Variants in ANXA8 observed in about 807,000 individuals in gnomAD.
ANXA8 encodes the protein annexin A8.
Under a neutral mutation model 26.8 loss-of-function variants are expected in ANXA8, and 9 were observed. The observed-to-expected ratio is 0.34, with a 90% CI of 0.20 to 0.59. The LOEUF (loss-of-function observed/expected upper bound fraction) is 0.59. Ranked by LOEUF, ANXA8 falls within the 20% of genes least tolerant of loss-of-function variation. The pLI is 0.84. For missense variants in ANXA8, 83 were observed against 238.5 expected, an observed-to-expected ratio of 0.35 and a Z score of 4.29; for synonymous variants, 39 against 94.8, an observed-to-expected ratio of 0.41 and a Z score of 3.42.
chr10:47,627,604 C>G, the ANXA8 span, among the ~76,000 whole-genome samples: 1 of 150,028 alleles, frequency 6.7e-6, no homozygotes, highest in Non-Finnish European at 1.5e-5. Flanking sequence ...TTGTAACAGT[C>G]TTGTAACTGA....
At chr10:47,564,607 C>T in the ANXA8 span, 1 of 369,224 alleles carries the variant, frequency 2.7e-6, no homozygotes, top group Non-Finnish European at 4.7e-6. Flanking sequence ...CCGGCTGCTT[C>T]CACAGCATGG....
the ANXA8 span, among the ~76,000 whole-genome samples, chr10:47,658,839 A>ATTT: frequency 1.5e-5 from 2 of 134,106 alleles, no homozygotes; most frequent in Non-Finnish European, 3.1e-5. Flanking sequence ...TGAGGTTTTT[A>ATTT]TTTATTTATT....
chr10:47,709,415 G>T, the ANXA8 span, among the ~76,000 whole-genome samples: 2 of 150,818 alleles, frequency 1.3e-5, no homozygotes, highest in East Asian at 3.9e-4. Flanking sequence ...TACCTTCAGA[G>T]AAATTAAAAT....
chr10:47,644,222 A>G, the ANXA8 span, among the ~76,000 whole-genome samples: 1 of 148,192 alleles, frequency 6.7e-6, no homozygotes, highest in East Asian at 1.9e-4. Flanking sequence ...CTACCTGGAG[A>G]AAAACATAGC....
chr10:47,516,640 T>C, the ANXA8 span, among the ~76,000 whole-genome samples: 30 of 136,090 alleles, frequency 2.2e-4, no homozygotes, highest in African/African-American at 4.9e-4. Flanking sequence ...AAGCAGACAT[T>C]GAGCATATCT....
chr10:47,966,891 C>T, the ANXA8 span, among the ~76,000 whole-genome samples: 5 of 140,762 alleles, frequency 3.6e-5, no homozygotes, highest in Non-Finnish European at 7.9e-5. Flanking sequence ...AGATTCAGCA[C>T]AGCAGATGAG....
At chr10:47,597,604 A>G in the ANXA8 span, among the ~76,000 whole-genome samples, 1 of 145,292 alleles carries the variant, frequency 6.9e-6, no homozygotes, top group Non-Finnish European at 1.5e-5. Flanking sequence ...GTATTTCTAT[A>G]CAATGCAATA....
the ANXA8 span, among the ~76,000 whole-genome samples, chr10:47,749,447 T>A: frequency 2.0e-5 from 3 of 149,968 alleles, no homozygotes; most frequent in South Asian, 6.4e-4. Context: ...AATAATAATG[T>A]CTCGTTAGGT....
the ANXA8 span, among the ~76,000 whole-genome samples, chr10:47,704,740 C>T: frequency 9.2e-5 from 14 of 151,808 alleles, no homozygotes; most frequent in South Asian, 8.3e-4. Flanking sequence ...TAGAGTAGAG[C>T]GACTAACAAT....
the ANXA8 span, among the ~76,000 whole-genome samples, chr10:47,653,997 A>G: frequency 0.044 from 6,225 of 140,788 alleles, 366 homozygotes; most frequent in African/African-American, 0.19. Flanking sequence ...GGGATAGAGT[A>G]TGGGAAATAG....
chr10:47,902,115 TTAGCCAACTTGG>T, the ANXA8 span, among the ~76,000 whole-genome samples: 2 of 151,814 alleles, frequency 1.3e-5, no homozygotes, highest in African/African-American at 4.8e-5. Context: ...AGTTCTTTTA[TTAGCCAACTTGG>T]TAGCCTGTTA....
chr10:47,727,498 A>G, the ANXA8 span, among the ~76,000 whole-genome samples: 1 of 149,430 alleles, frequency 6.7e-6, no homozygotes, highest in African/African-American at 2.4e-5. Flanking sequence ...GGGGGTGTCT[A>G]GTAATTTTGA....
chr10:47,566,009 G>A, the ANXA8 span: 7 of 1,285,548 alleles, frequency 5.4e-6, no homozygotes, highest in Non-Finnish European at 7.1e-6. Context: ...GGAGGTCATC[G>A]AGATGTCCTG....
At chr10:47,668,363 G>T in the ANXA8 span, among the ~76,000 whole-genome samples, 2,995 of 144,428 alleles carry the variant, frequency 0.021, 16 homozygotes, top group African/African-American at 0.029. Flanking sequence ...GATTGCTCAG[G>T]CTCAAGCGAT....
At chr10:47,611,519 A>G in the ANXA8 span, among the ~76,000 whole-genome samples, 3 of 144,090 alleles carry the variant, frequency 2.1e-5, no homozygotes, top group African/African-American at 8.1e-5. Context: ...CCTACAATAT[A>G]ATCAAAACTT....
the ANXA8 span, among the ~76,000 whole-genome samples, chr10:47,552,192 C>G: frequency 6.6e-6 from 1 of 151,920 alleles, no homozygotes; most frequent in South Asian, 2.1e-4. Flanking sequence ...TTATTCATCT[C>G]AAGTGTCAAC....
At chr10:47,892,396 AG>A in the ANXA8 span, among the ~76,000 whole-genome samples, 1 of 101,174 alleles carries the variant, frequency 9.9e-6, no homozygotes, top group Non-Finnish European at 2.0e-5. Context: ...TGCCTGGGAG[AG>A]GGGTAGAAAA....
chr10:47,687,868 G>A, the ANXA8 span, among the ~76,000 whole-genome samples: 1 of 152,026 alleles, frequency 6.6e-6, no homozygotes, highest in Admixed American at 6.5e-5. Context: ...GGGAGGCCAA[G>A]GTGGGTGGAT....
the ANXA8 span, among the ~76,000 whole-genome samples, chr10:47,701,042 A>G: frequency 6.6e-6 from 1 of 150,642 alleles, no homozygotes; most frequent in Non-Finnish European, 1.5e-5. Flanking sequence ...TATTCATGCC[A>G]CTGCACTCTA....
Sources: allele counts gnomAD v4.1 joint callset (sites outside exome capture counted in the v4.1 genomes callset), GRCh38; gene constraint gnomAD v4.1.1; transcripts MANE v1.5; gene names NCBI Gene and HGNC (gene_info 2026-07-23, HGNC 2026-07-21).